Variants in RP1 observed in about 807,000 individuals in gnomAD.
RP1 encodes oxygen-regulated protein 1.
RP1 carries 16 observed loss-of-function variants against 14.8 expected under a neutral mutation model. The ratio of observed to expected loss-of-function variants is 1.08; its 90% confidence interval spans 0.73 to 1.65. The LOEUF (loss-of-function observed/expected upper bound fraction) is 1.65. RP1 is among the 40% of genes most tolerant of loss of function. RP1 has a pLI of 0.00. For synonymous variants in RP1, 876 were observed against 883.6 expected (o/e 0.99, Z 0.15); for missense variants, 2,631 against 2,535.0 (o/e 1.04, Z -0.81).
intron 1 of RP1, among the ~76,000 whole-genome samples, chr8:54,588,784 G>A (rs1457360439): frequency 6.6e-6 from 1 of 152,154 alleles, no homozygotes; most frequent in East Asian, 1.9e-4. Context: ...CTTTTGTTCA[G>A]ATACTGTATC....
At chr8:54,585,510 G>A (rs184292204) in intron 1 of RP1, among the ~76,000 whole-genome samples, 127 of 152,232 alleles carry the variant, frequency 8.3e-4, no homozygotes, top group African/African-American at 2.9e-3. Flanking sequence ...TCTTTGTGGC[G>A]TTCTCTGTAT....
chr8:54,759,077 G>T lies in RP1; in HGVS notation c.3248+1G>T. ...CCGAGTCCATCTTTACCTGTCAAAG[G>T]TAATGCTGGTCTCCAAGATACTTCA... On this transcript the variant is annotated splice_donor_variant, in intron 22 of 22. Transcript: ENST00000636932. LOFTEE classifies it high-confidence loss of function. 1 of 1,526,098 alleles carries T rather than the reference G, an allele frequency of 6.6e-7. No homozygotes were observed. 94.5% of individuals were successfully genotyped at this position (1,526,098 alleles called of 1,614,324 possible).
chr8:54,587,332 A>G (rs1804954358), intron 1 of RP1, among the ~76,000 whole-genome samples: 1 of 151,888 alleles, frequency 6.6e-6, no homozygotes, highest in Non-Finnish European at 1.5e-5. Context: ...AGGCTGAGAC[A>G]GGAGAATTGC....
In RP1 at chr8:54,581,899, T is replaced by G. The variant is rs560437310; in HGVS notation, c.-13+22579T>G. On this transcript the variant is annotated intron_variant, in intron 1 of 22. Transcript: ENST00000636932. The stretch of plus-strand genomic sequence containing the variant: ...TTGAGTTCATTGTAGATTCTGGACA[T>G]TAGCCCTTTGTCAGATGAGTAGATT... 1.0e-3 allele frequency among the ~76,000 whole-genome samples: 152 copies of G among 152,206 alleles called. 1 individual carries two copies. Among genetic ancestry groups the G allele is most frequent in the Non-Finnish European group, 1.8e-3 (123 of 68,044 alleles).
intron 3 of RP1, among the ~76,000 whole-genome samples, chr8:54,646,980 GA>G (rs1366563265): frequency 6.6e-6 from 1 of 152,160 alleles, no homozygotes; most frequent in Non-Finnish European, 1.5e-5. Context: ...CACTGTTAAA[GA>G]CAGACCATCC....
chr8:54,684,634 A>G (rs1455244517), intron 12 of RP1, among the ~76,000 whole-genome samples: 1 of 151,858 alleles, frequency 6.6e-6, no homozygotes, highest in African/African-American at 2.4e-5. Flanking sequence ...GGCTGTTTGT[A>G]TTTCTTTGGG....
At chr8:54,741,758 T>C (rs1809104441) in intron 19 of RP1, among the ~76,000 whole-genome samples, 1 of 143,290 alleles carries the variant, frequency 7.0e-6, no homozygotes, top group Non-Finnish European at 1.5e-5. Flanking sequence ...TATGTTTATA[T>C]GTGCTTTGCC....
intron 19 of RP1, among the ~76,000 whole-genome samples, chr8:54,742,587 G>A (rs1159181031): frequency 1.3e-5 from 2 of 152,154 alleles, no homozygotes; most frequent in Non-Finnish European, 2.9e-5. Flanking sequence ...GAGGATTTGA[G>A]GAAACCATTT....
At chr8:54,587,999 G>A (rs1433935978) in intron 1 of RP1, among the ~76,000 whole-genome samples, 1 of 152,172 alleles carries the variant, frequency 6.6e-6, no homozygotes, top group East Asian at 1.9e-4. Flanking sequence ...ACAGAGCAAT[G>A]CTGTCCCATC....
chr8:54,764,257 A>G (rs1809711344), intron 22 of RP1, among the ~76,000 whole-genome samples: 2 of 152,258 alleles, frequency 1.3e-5, no homozygotes, highest in Non-Finnish European at 2.9e-5. Flanking sequence ...CCTTGGCCAC[A>G]CAGCAGGCCT....
intron 18 of RP1, chr8:54,738,936 C>T: frequency 1.4e-6 from 2 of 1,449,862 alleles, no homozygotes; most frequent in South Asian, 1.5e-5. Context: ...CTTTGCATTT[C>T]ATTCAGGTTG....
At chr8:54,758,859 G>A in intron 21 of RP1, 1 of 1,474,028 alleles carries the variant, frequency 6.8e-7, no homozygotes, top group South Asian at 1.2e-5. Flanking sequence ...ATTATTGCCT[G>A]CATTTGTCAT....
Position 54,616,145 on chromosome 8 carries a change from C to CATT in RP1, c.-70_-69insATT, listed in dbSNP as rs2129312062. ...ACATATCCAGTGACATTTATTTGAGCTATTTAAACAACTTAAACATCTTTT... is the reference window on the plus strand; with the variant it reads ...ACATATCCAGTGACATTTATTTGAGCATTTATTTAAACAACTTAAACATCTTTT... On this transcript the variant is annotated 5_prime_UTR_variant, in exon 1 of 4. Transcript: ENST00000220676. The CATT allele has an allele frequency of 6.6e-6, 1 of 152,310 alleles. No homozygotes were observed. The highest frequency in any genetic ancestry group is 1.5e-5 in the Non-Finnish European group (1 of 68,020). 9.4% of individuals were successfully genotyped at this position (152,310 alleles called of 1,614,324 possible).
At chr8:54,673,895 A>C (rs1807235749) in exon 8 of RP1, 1 of 1,535,826 alleles carries the variant, frequency 6.5e-7, no homozygotes, top group Non-Finnish European at 8.7e-7. Context: ...AGATTTGTGT[A>C]AGATTGTGAT....
intron 7 of RP1, among the ~76,000 whole-genome samples, chr8:54,670,435 A>G (rs1343539856): frequency 1.3e-5 from 2 of 149,190 alleles, no homozygotes; most frequent in African/African-American, 4.9e-5. Context: ...ATGTATGTAT[A>G]TATATGGATA....
intron 12 of RP1, among the ~76,000 whole-genome samples, chr8:54,688,156 GTTGT>G (rs1205118842): frequency 3.9e-5 from 6 of 152,136 alleles, no homozygotes; most frequent in African/African-American, 1.4e-4. Flanking sequence ...TTTTGATAGG[GTTGT>G]TTGTTTTTTT....
chr8:54,770,741 C>A (rs1809880269), downstream of RP1, among the ~76,000 whole-genome samples: 1 of 151,328 alleles, frequency 6.6e-6, no homozygotes, highest in African/African-American at 2.4e-5. Flanking sequence ...TTACAAAAAT[C>A]AACTTGTAAT....
intron 14 of RP1, among the ~76,000 whole-genome samples, chr8:54,704,939 A>C (rs778454903): frequency 2.0e-5 from 3 of 152,196 alleles, no homozygotes; most frequent in African/African-American, 7.2e-5. Context: ...ACTTTGACAT[A>C]TGCCTTTGAC....
At chr8:54,716,471 T>TC (rs1199151482) in intron 15 of RP1, among the ~76,000 whole-genome samples, 7 of 152,160 alleles carry the variant, frequency 4.6e-5, no homozygotes, top group Non-Finnish European at 8.8e-5. Context: ...TCCACACTGG[T>TC]CTTTACTGAA....
Sources: gnomAD v4.1 joint callset for allele counts (sites outside exome capture counted in the v4.1 genomes callset) on GRCh38, gnomAD v4.1.1 for gene constraint, MANE v1.5 for transcripts, NCBI Gene and HGNC (gene_info 2026-07-23, HGNC 2026-07-21) for gene names.